SLC36A2: variants seen among roughly 807,000 people sequenced by gnomAD.
The protein encoded by SLC36A2 is proton-coupled amino acid transporter 2.
SLC36A2 carries 39 observed loss-of-function variants against 42.7 expected under a neutral mutation model. That is an observed-to-expected ratio of 0.91 (90% CI 0.71 to 1.19). The LOEUF (loss-of-function observed/expected upper bound fraction) is 1.19, where lower values mean the gene tolerates loss of function less well. Among genes scored for constraint, SLC36A2 ranks in the 50% most tolerant of loss-of-function variants. The pLI, the probability that SLC36A2 is intolerant of heterozygous loss-of-function variation, is 0.00. For missense variants in SLC36A2, 590 were observed against 613.7 expected, an observed-to-expected ratio of 0.96 and a Z score of 0.41; for synonymous variants, 237 against 240.8, an observed-to-expected ratio of 0.98 and a Z score of 0.15.
chr5:151,333,221 T>C lies in SLC36A2; in HGVS notation c.843+3A>G, dbSNP rs1580854327. 1.2e-6 allele frequency: 2 copies of C among 1,613,286 alleles called. No homozygotes were observed. Among genetic ancestry groups the C allele is most frequent in the Non-Finnish European group, 1.7e-6 (2 of 1,179,372 alleles). ...GATAAGGCCACCTCAATTCAAACCT[T>C]ACCACACCAATGCTTTCAAAAGAAA... On this transcript the variant is annotated splice_donor_region_variant and intron_variant, in intron 7 of 9. Coordinates refer to ENST00000335244, the MANE Select transcript of SLC36A2 (RefSeq NM_181776.3).
chr5:151,318,230 A>T (rs948942916), intron 9 of SLC36A2, among the ~76,000 whole-genome samples: 1 of 151,970 alleles, frequency 6.6e-6, no homozygotes, highest in Non-Finnish European at 1.5e-5. Flanking sequence ...TTGGATCCTT[A>T]CATATCCAAC....
chr5:151,319,179 G>A, intron 9 of SLC36A2: 1 of 952,718 alleles, frequency 1.0e-6, no homozygotes, highest in Non-Finnish European at 1.2e-6. Context: ...AGTTATCTTT[G>A]CTATTACTCC....
rs1479912816 is a variant in SLC36A2 at position 151,316,140 on chromosome 5, G to A, written c.*677C>T. The A allele has an allele frequency of 6.6e-6, 1 of 152,416 alleles. No individual in the cohort carries two copies. Among genetic ancestry groups the A allele is most frequent in the Non-Finnish European group, 1.5e-5 (1 of 68,244 alleles). 9.4% of individuals were successfully genotyped at this position (152,416 alleles called of 1,614,324 possible). A position where few individuals can be genotyped will look rare whatever the true frequency, so the allele number is the denominator to read the frequency against. On this transcript the variant is annotated 3_prime_UTR_variant, in exon 10 of 10. Transcript: ENST00000335244. ...GGGAAAACCGGTTGTCTGCCAAAGT[G>A]TGGACAGTCTTAGCTGGCTGCATCT...
intron 5 of SLC36A2, among the ~76,000 whole-genome samples, chr5:151,336,160 G>A (rs907617525): frequency 6.6e-6 from 1 of 152,202 alleles, no homozygotes; most frequent in Non-Finnish European, 1.5e-5. Context: ...GTCATTGAAT[G>A]CAGCCTTTGA....
Position 151,325,469 on chromosome 5 carries a change from A to G in SLC36A2, c.844-17T>C, listed in dbSNP as rs1755828277. ...AGGCAGAACCTACAGAAACATCACAATGTAAGAAGGAGAAAGAGTAACATG... is the reference window on the plus strand; with the variant it reads ...AGGCAGAACCTACAGAAACATCACAGTGTAAGAAGGAGAAAGAGTAACATG... On this transcript the variant is annotated splice_polypyrimidine_tract_variant and intron_variant, in intron 7 of 9. Transcript: ENST00000335244. 3 of 1,613,646 alleles carry G rather than the reference A, an allele frequency of 1.9e-6. No individual in the cohort carries two copies. The highest frequency in any genetic ancestry group is 2.2e-5 in the East Asian group (1 of 44,878).
At chr5:151,325,188 CTA>C in intron 8 of SLC36A2, 96 bp downstream of exon 8, 1 of 1,422,674 alleles carries the variant, frequency 7.0e-7, no homozygotes, top group East Asian at 2.5e-5. Context: ...GGGAGGCTCT[CTA>C]GACCTCAGTT....
chr5:151,320,083 CT>C (rs1561649890), intron 9 of SLC36A2, among the ~76,000 whole-genome samples: 1 of 151,698 alleles, frequency 6.6e-6, no homozygotes, highest in African/African-American at 2.4e-5. Flanking sequence ...CTTTTTCTTT[CT>C]TTTTTCTAGT....
chr5:151,315,744 T>C lies in SLC36A2; in HGVS notation c.*1073A>G, dbSNP rs1755473686. ...AAGTCACATTATCACGAGGAATTTATGGTCATTTTTGCAATATTCTACAAA... is the reference window on the plus strand; with the variant it reads ...AAGTCACATTATCACGAGGAATTTACGGTCATTTTTGCAATATTCTACAAA... On this transcript the variant is annotated 3_prime_UTR_variant, in exon 10 of 10. Coordinates refer to ENST00000335244, the MANE Select transcript of SLC36A2 (RefSeq NM_181776.3). 1 of 152,118 alleles carries C rather than the reference T, an allele frequency of 6.6e-6. No individual in the cohort carries two copies. Among genetic ancestry groups the C allele is most frequent in the Non-Finnish European group, 1.5e-5 (1 of 67,982 alleles). 9.4% of individuals were successfully genotyped at this position (152,118 alleles called of 1,614,324 possible).
chr5:151,317,200 C>T, intron 9 of SLC36A2, 112 bp from the exon 10 acceptor site: 1 of 1,414,988 alleles, frequency 7.1e-7, no homozygotes, highest in Middle Eastern at 2.4e-4. Flanking sequence ...ACTTGTAATC[C>T]CAGCACTTTG....
chr5:151,338,959 A>G (rs1394068992), intron 5 of SLC36A2, 101 bp downstream of exon 5: 2 of 857,232 alleles, frequency 2.3e-6, no homozygotes, highest in African/African-American at 1.7e-5. Context: ...TTCCTTTGTT[A>G]CATTGATGAG....
intron 6 of SLC36A2, among the ~76,000 whole-genome samples, chr5:151,334,548 G>A (rs746081725): frequency 3.9e-5 from 6 of 152,018 alleles, no homozygotes; most frequent in Admixed American, 1.3e-4. Context: ...AAAATTAGCC[G>A]GGTGTGGTGG....
At chr5:151,339,472 G>A (rs1034523924) in intron 4 of SLC36A2, among the ~76,000 whole-genome samples, 2 of 152,132 alleles carry the variant, frequency 1.3e-5, no homozygotes, top group African/African-American at 4.8e-5. Context: ...CACCACGCCT[G>A]GCTAATTTTG....
At chr5:151,342,847 C>T in intron 4 of SLC36A2, 41 bp downstream of exon 4, 1 of 1,546,784 alleles carries the variant, frequency 6.5e-7, no homozygotes. Flanking sequence ...TTTTCTCCTC[C>T]TGTGTCCTAC....
chr5:151,331,275 ATTTCTTTC>A (rs371332793), intron 7 of SLC36A2, among the ~76,000 whole-genome samples: 7 of 151,538 alleles, frequency 4.6e-5, no homozygotes, highest in African/African-American at 9.7e-5. Context: ...ATGACCTATG[ATTTCTTTC>A]TTTCTTTCTT....
intron 7 of SLC36A2, among the ~76,000 whole-genome samples, chr5:151,328,856 C>T (rs1022753174): frequency 2.0e-5 from 3 of 152,200 alleles, no homozygotes; most frequent in African/African-American, 7.2e-5. Context: ...CATGATTTGC[C>T]TGCTCACGAA....
Position 151,325,328 on chromosome 5 carries a change from T to A in SLC36A2, c.968A>T (p.Asp323Val). The A allele has an allele frequency of 6.2e-7, 1 of 1,613,864 alleles. No homozygotes were observed. The highest frequency in any genetic ancestry group is 8.5e-7 in the Non-Finnish European group (1 of 1,179,960). The change falls in exon 8 of 10, where the codon GAT (aspartate) becomes GTT (valine). Residue 323 changes from aspartate (D) to valine (V), a missense_variant. Transcript: ENST00000335244. ...MAALGYLRFG[D>V]DIKASISLNL... ...AAGGCTTATGCTGGCCTTGATGTCA[T>A]CTCCAAACCGCAGGTAGCCCAGAGC...
chr5:151,340,665 C>T (rs1756318980), intron 4 of SLC36A2, among the ~76,000 whole-genome samples: 1 of 152,070 alleles, frequency 6.6e-6, no homozygotes, highest in African/African-American at 2.4e-5. Context: ...AGAGAATGGT[C>T]AATTATACAC....
At position 151,335,404 on chromosome 5, in the gene SLC36A2, G is replaced by A. The variant is rs375217928; in HGVS notation, c.669C>T (p.Ile223=). The A allele has an allele frequency of 1.4e-5, 23 of 1,614,168 alleles. No homozygotes were observed. In the African/African-American group the frequency reaches 3.1e-4, roughly 22 times the overall value. Residue 223 remains isoleucine (I), a synonymous_variant, in exon 6 of 10, where the codon ATC becomes ATT. Coordinates refer to ENST00000335244, the MANE Select transcript of SLC36A2 (RefSeq NM_181776.3). Reference sequence around the variant, plus strand: ...TGGCCAGCATGGAGAAGATGGTCAAGATCCTGAGGTTCCGGATGAGGACCA... The same window carrying A: ...TGGCCAGCATGGAGAAGATGGTCAAAATCCTGAGGTTCCGGATGAGGACCA... ...VLLVLIRNLR[I]LTIFSMLANI...
chr5:151,318,962 T>C (rs1755601289), intron 9 of SLC36A2: 1 of 155,072 alleles, frequency 6.4e-6, no homozygotes, highest in African/African-American at 2.4e-5. Context: ...AGGCCTCCTT[T>C]GGAGGAGTGT....
Sources: gnomAD v4.1 joint callset for allele counts (sites outside exome capture counted in the v4.1 genomes callset) on GRCh38, gnomAD v4.1.1 for gene constraint, MANE v1.5 for transcripts, NCBI Gene and HGNC (gene_info 2026-07-23, HGNC 2026-07-21) for gene names.